The following STK4 variants were observed in gnomAD, a reference collection of about 807,000 sequenced individuals.
STK4 encodes serine/threonine kinase 4.
A neutral mutation model predicts 64.9 loss-of-function variants in STK4; 30 were observed. That is an observed-to-expected ratio of 0.46 (90% confidence interval 0.35 to 0.63). The LOEUF is 0.63. STK4 is among the 20% of genes least tolerant of loss of function. The probability of loss-of-function intolerance (pLI) is 0.01; values close to 1 mark genes in which losing one functional copy is unlikely to be tolerated. For synonymous variants in STK4, 177 were observed against 199.0 expected (o/e 0.89, Z 0.93); for missense variants, 466 against 598.5 (o/e 0.78, Z 2.31).
At chr20:45,050,468 G>A (rs534417947) in intron 10 of STK4, among the ~76,000 whole-genome samples, 37 of 152,166 alleles carry the variant, frequency 2.4e-4, no homozygotes, top group South Asian at 4.1e-4. Context: ...TGCATGGTAC[G>A]CCCTTAGAAT....
chr20:45,009,394 T>A (rs572508749), intron 9 of STK4, among the ~76,000 whole-genome samples: 1 of 152,310 alleles, frequency 6.6e-6, no homozygotes, highest in South Asian at 2.1e-4. Flanking sequence ...CATTGGTCTA[T>A]GTGTCTGTTG....
At chr20:45,035,133 C>A (rs1283611523) in intron 10 of STK4, among the ~76,000 whole-genome samples, 1 of 151,648 alleles carries the variant, frequency 6.6e-6, no homozygotes, top group Non-Finnish European at 1.5e-5. Context: ...TTTAATAAAA[C>A]ACAAATCATG....
At chr20:44,973,016 C>T (rs375633432) in intron 2 of STK4, 12 of 151,766 alleles carry the variant, frequency 7.9e-5, no homozygotes, top group East Asian at 1.9e-4. Flanking sequence ...TGTGTGCGAG[C>T]GCACACTCGT....
At chr20:45,014,824 T>C (rs2068112819) in intron 9 of STK4, among the ~76,000 whole-genome samples, 1 of 152,156 alleles carries the variant, frequency 6.6e-6, no homozygotes, top group African/African-American at 2.4e-5. Context: ...TCTCCAGGCT[T>C]AATAGGTCAA....
chr20:45,054,852 A>G (rs1260305671), intron 10 of STK4, among the ~76,000 whole-genome samples: 1 of 152,166 alleles, frequency 6.6e-6, no homozygotes, highest in African/African-American at 2.4e-5. Context: ...TGCTATTGTT[A>G]CTATTCCTGT....
intron 8 of STK4, 144 bp from the exon 9 acceptor site, chr20:45,001,023 G>A: frequency 2.3e-6 from 2 of 876,362 alleles, no homozygotes; most frequent in Non-Finnish European, 3.4e-6. Flanking sequence ...TTAAGTAACA[G>A]CGCTTTCATT....
At chr20:45,071,969 G>T (rs1016405831) in intron 10 of STK4, among the ~76,000 whole-genome samples, 1 of 151,886 alleles carries the variant, frequency 6.6e-6, no homozygotes, top group African/African-American at 2.4e-5. Context: ...TTCACTATTT[G>T]CCCAGGCTGG....
intron 10 of STK4, among the ~76,000 whole-genome samples, chr20:45,031,187 TTA>T (rs1399271565): frequency 6.6e-6 from 1 of 152,032 alleles, no homozygotes; most frequent in East Asian, 1.9e-4. Context: ...TTTTTTTTTT[TTA>T]AAGCACAGTT....
At chr20:45,007,477 G>A (rs748811320) in intron 9 of STK4, among the ~76,000 whole-genome samples, 1 of 152,078 alleles carries the variant, frequency 6.6e-6, no homozygotes, top group African/African-American at 2.4e-5. Flanking sequence ...AACCCAGGAG[G>A]TGGAGGTTGC....
At chr20:45,064,479 G>A (rs780408174) in intron 10 of STK4, among the ~76,000 whole-genome samples, 38 of 151,998 alleles carry the variant, frequency 2.5e-4, no homozygotes, top group Admixed American at 3.9e-4. Flanking sequence ...AATGTCATTA[G>A]TAATTTGATA....
At chr20:44,982,755 GA>G (rs1417805581) in intron 4 of STK4, among the ~76,000 whole-genome samples, 1 of 152,036 alleles carries the variant, frequency 6.6e-6, no homozygotes, top group African/African-American at 2.4e-5. Flanking sequence ...AATATTTCTT[GA>G]ACACTGTTTT....
intron 10 of STK4, among the ~76,000 whole-genome samples, chr20:45,074,185 G>A (rs1187475589): frequency 2.6e-5 from 4 of 152,142 alleles, no homozygotes; most frequent in African/African-American, 9.7e-5. Flanking sequence ...TCCTTGGGCT[G>A]TTCATCTGTA....
At chr20:45,019,099 G>GT (rs1303464479) in intron 9 of STK4, among the ~76,000 whole-genome samples, 2 of 152,072 alleles carry the variant, frequency 1.3e-5, no homozygotes, top group Non-Finnish European at 2.9e-5. Flanking sequence ...AGAATTCAGT[G>GT]TTTTTTTAGG....
At chr20:45,034,149 G>C (rs1299513633) in intron 10 of STK4, among the ~76,000 whole-genome samples, 1 of 151,916 alleles carries the variant, frequency 6.6e-6, no homozygotes, top group African/African-American at 2.4e-5. Context: ...AAGATTTATA[G>C]CCTTAAATGA....
chr20:44,986,845 G>A (rs2067538019), intron 4 of STK4, among the ~76,000 whole-genome samples: 1 of 152,182 alleles, frequency 6.6e-6, no homozygotes, highest in South Asian at 2.1e-4. Flanking sequence ...AAGGATCAGA[G>A]GGAGAGGGGT....
At chr20:44,999,474 G>A (rs1249972815) in intron 7 of STK4, among the ~76,000 whole-genome samples, 1 of 152,136 alleles carries the variant, frequency 6.6e-6, no homozygotes, top group Non-Finnish European at 1.5e-5. Context: ...AAGAAACAAT[G>A]GGGACAATAT....
intron 7 of STK4, among the ~76,000 whole-genome samples, chr20:44,997,520 C>CA (rs2067757005): frequency 6.6e-6 from 1 of 152,086 alleles, no homozygotes; most frequent in Non-Finnish European, 1.5e-5. Flanking sequence ...AACCATGTCT[C>CA]TACAAAAAGA....
intron 10 of STK4, among the ~76,000 whole-genome samples, chr20:45,057,483 A>G (rs1978588413): frequency 6.6e-6 from 1 of 152,224 alleles, no homozygotes; most frequent in Non-Finnish European, 1.5e-5. Context: ...CGTAGTTTTA[A>G]GTAACAAAGA....
chr20:45,065,789 ATTAT>A (rs1404143615), intron 10 of STK4, among the ~76,000 whole-genome samples: 1 of 151,286 alleles, frequency 6.6e-6, no homozygotes, highest in East Asian at 1.9e-4. Context: ...CATCTATCTT[ATTAT>A]TTATTTATTT....
Sources: allele counts gnomAD v4.1 joint callset (sites outside exome capture counted in the v4.1 genomes callset), GRCh38; gene constraint gnomAD v4.1.1; transcripts MANE v1.5; gene names NCBI Gene and HGNC (gene_info 2026-07-23, HGNC 2026-07-21).